RPGRIP1L: variants seen among roughly 807,000 people sequenced by gnomAD.
RPGRIP1L encodes the protein protein fantom.
Under a neutral mutation model 160.4 loss-of-function variants are expected in RPGRIP1L, and 131 were observed. The observed-to-expected ratio is 0.82, with a 90% confidence interval of 0.71 to 0.94. The LOEUF (loss-of-function observed/expected upper bound fraction) is 0.94. Ranked by LOEUF, RPGRIP1L falls within the 40% of genes least tolerant of loss-of-function variation. The probability of loss-of-function intolerance (pLI) is 0.00; values close to 1 mark genes in which losing one functional copy is unlikely to be tolerated. For synonymous variants in RPGRIP1L, 510 were observed against 515.8 expected (o/e 0.99, Z 0.15); for missense variants, 1,522 against 1,535.8 (o/e 0.99, Z 0.15).
chr16:53,660,057 T>C (rs1321856025), intron 10 of RPGRIP1L, among the ~76,000 whole-genome samples: 1 of 152,114 alleles, frequency 6.6e-6, no homozygotes, highest in Non-Finnish European at 1.5e-5. Flanking sequence ...AGCAAATTCA[T>C]AAAGAGACTA....
intron 2 of RPGRIP1L, among the ~76,000 whole-genome samples, chr16:53,697,856 C>A (rs1388199460): frequency 6.6e-6 from 1 of 151,766 alleles, no homozygotes; most frequent in South Asian, 2.1e-4. Context: ...CTCTGCCTGG[C>A]TGCCCAGTCT....
intron 26 of RPGRIP1L, 73 bp downstream of exon 26, chr16:53,605,408 A>G (rs868858668): frequency 8.9e-6 from 14 of 1,566,628 alleles, no homozygotes; most frequent in Middle Eastern, 3.3e-4. Context: ...GCCAGCAAAA[A>G]GAAGGTTTTA....
chr16:53,642,082 A>G (rs1186939476), intron 17 of RPGRIP1L, among the ~76,000 whole-genome samples: 2 of 152,144 alleles, frequency 1.3e-5, no homozygotes, highest in Non-Finnish European at 2.9e-5. Flanking sequence ...AGCAGTAACA[A>G]AAGAAACTTG....
chr16:53,657,645 A>G lies in RPGRIP1L; in HGVS notation c.1402-13T>C. 1.3e-6 allele frequency: 2 copies of G among 1,522,850 alleles called. No individual in the cohort carries two copies. Among genetic ancestry groups the G allele is most frequent in the Non-Finnish European group, 1.8e-6 (2 of 1,112,658 alleles). 94.3% of individuals were successfully genotyped at this position (1,522,850 alleles called of 1,614,324 possible). The stretch of plus-strand genomic sequence containing the variant: ...GTTCTTTTTGAGCCTAAAATAAAAA[A>G]CATGTTTTATGACTGAAACAAAAAT... On this transcript the variant is annotated splice_polypyrimidine_tract_variant and intron_variant, in intron 12 of 26. Coordinates refer to ENST00000647211, the MANE Select transcript of RPGRIP1L (RefSeq NM_015272.5).
intron 2 of RPGRIP1L, among the ~76,000 whole-genome samples, chr16:53,696,932 G>A (rs1970807137): frequency 6.6e-6 from 1 of 152,132 alleles, no homozygotes; most frequent in South Asian, 2.1e-4. Flanking sequence ...GGTGGCTCAC[G>A]CCTGTAATCT....
intron 4 of RPGRIP1L, among the ~76,000 whole-genome samples, chr16:53,689,068 A>ATATATATATGT (rs978315535): frequency 8.7e-5 from 13 of 149,470 alleles, no homozygotes; most frequent in Middle Eastern, 3.6e-3. Flanking sequence ...ATGGCTATAT[A>ATATATATATGT]TATATATATG....
intron 25 of RPGRIP1L, among the ~76,000 whole-genome samples, chr16:53,609,308 G>A (rs777118928): frequency 7.2e-5 from 11 of 151,948 alleles, no homozygotes; most frequent in Non-Finnish European, 1.6e-4. Context: ...ATGTTGCTCA[G>A]GCCAGTCTCT....
intron 9 of RPGRIP1L, among the ~76,000 whole-genome samples, chr16:53,668,304 A>C (rs1043910406): frequency 6.6e-6 from 1 of 152,206 alleles, no homozygotes; most frequent in African/African-American, 2.4e-5. Context: ...TATGGGTGTC[A>C]GTAGTGCTCT....
intron 22 of RPGRIP1L, chr16:53,628,752 A>G (rs893554584): frequency 6.6e-6 from 1 of 152,208 alleles, no homozygotes; most frequent in African/African-American, 2.4e-5. Context: ...AAAATGTACT[A>G]TATTAAACAA....
chr16:53,621,621 A>G (rs1336740119), intron 23 of RPGRIP1L, among the ~76,000 whole-genome samples: 2 of 152,182 alleles, frequency 1.3e-5, no homozygotes, highest in Non-Finnish European at 2.9e-5. Flanking sequence ...CTAAGAAAGT[A>G]AGCTCTAAAT....
chr16:53,672,285 C>G (rs1457096109), intron 8 of RPGRIP1L, among the ~76,000 whole-genome samples: 2 of 151,972 alleles, frequency 1.3e-5, no homozygotes, highest in African/African-American at 2.4e-5. Flanking sequence ...TCTTTATTTC[C>G]ATTTTCAGAA....
At chr16:53,684,144 G>T in intron 6 of RPGRIP1L, among the ~76,000 whole-genome samples, 1 of 152,156 alleles carries the variant, frequency 6.6e-6, no homozygotes, top group Non-Finnish European at 1.5e-5. Flanking sequence ...CACTGTTGGT[G>T]GGACTGGAAA....
intron 14 of RPGRIP1L, among the ~76,000 whole-genome samples, chr16:53,655,211 A>T (rs891262668): frequency 1.8e-4 from 28 of 152,370 alleles, no homozygotes; most frequent in African/African-American, 6.5e-4. Flanking sequence ...TTAAAAATTT[A>T]AAAAATTTTA....
Position 53,664,752 on chromosome 16 carries a change from T to C in RPGRIP1L, c.1243+118A>G, listed in dbSNP as rs563596473. The stretch of plus-strand genomic sequence containing the variant: ...TCATGAGAGTGGATGACTGTGTCTG[T>C]CCCTCATACATTGCGGGGATACTGG... On this transcript the variant is annotated intron_variant, in intron 10 of 26. Transcript: ENST00000647211. The C allele has an allele frequency of 9.8e-6, 11 of 1,118,148 alleles. No homozygotes were observed. In the Admixed American group the frequency reaches 1.9e-4, roughly 19 times the overall value. The allele number at this position is 1,118,148 out of a possible 1,614,324, so 69.3% of individuals were successfully genotyped here.
rs1192616333 is a variant in RPGRIP1L at position 53,672,920 on chromosome 16, G to A, written c.979C>T (p.Leu327Phe). 3.7e-6 allele frequency: 6 copies of A among 1,612,590 alleles called. No individual in the cohort carries two copies. Among genetic ancestry groups the A allele is most frequent in the African/African-American group, 1.3e-5 (1 of 74,866 alleles). Residue 327 changes from leucine to phenylalanine, a missense_variant, in exon 8 of 27, where the codon CTT (leucine) becomes TTT (phenylalanine). Physicochemically the swap from Leu to Phe is conservative, Grantham distance 22. Coordinates refer to ENST00000647211, the MANE Select transcript of RPGRIP1L (RefSeq NM_015272.5). Reference protein sequence around the residue: ...LKEQRLKCCSLEKQLHSMKFS... With the variant: ...LKEQRLKCCSFEKQLHSMKFS... ...TTCATAGAATGTAATTGTTTCTCAA[G>A]ACTGCAGCATTTTAAACGCTGCTCT...
intron 22 of RPGRIP1L, among the ~76,000 whole-genome samples, chr16:53,631,924 T>C (rs748947172): frequency 1.1e-4 from 17 of 152,202 alleles, no homozygotes; most frequent in Non-Finnish European, 2.2e-4. Flanking sequence ...ATCCAGCCAC[T>C]AAACTTTATG....
At chr16:53,671,966 A>G (rs1178540000) in intron 8 of RPGRIP1L, among the ~76,000 whole-genome samples, 3 of 152,120 alleles carry the variant, frequency 2.0e-5, no homozygotes, top group African/African-American at 7.2e-5. Context: ...ATTAGCCCAT[A>G]AAGAATTAAA....
intron 6 of RPGRIP1L, among the ~76,000 whole-genome samples, chr16:53,678,961 G>A (rs542462668): frequency 6.6e-6 from 1 of 152,304 alleles, no homozygotes; most frequent in South Asian, 2.1e-4. Flanking sequence ...TAGGGCTACA[G>A]AAGGCTGCTA....
chr16:53,657,569 TA>T lies in RPGRIP1L; in HGVS notation c.1464del (p.Asn488LysfsTer4), dbSNP rs1214012000. The stretch of plus-strand genomic sequence containing the variant: ...TCTCTCATAGAGCGTTCTAGATCTT[TA>T]TTAATTTCACTATCTACTTTCACTA... Reference protein sequence around the residue: ...SFLVKVDSEINKDLERSMREL... With the variant: ...SFLVKVDSEIXKDLERSMREL... On this transcript the variant is annotated frameshift_variant, in exon 13 of 27. Transcript: ENST00000647211. LOFTEE classifies it high-confidence loss of function. The T allele has an allele frequency of 6.2e-7, 1 of 1,603,380 alleles. No homozygotes were observed. Among genetic ancestry groups the T allele is most frequent in the Admixed American group, 1.7e-5 (1 of 59,784 alleles).
Sources: gnomAD v4.1 joint callset for allele counts (sites outside exome capture counted in the v4.1 genomes callset) on GRCh38, gnomAD v4.1.1 for gene constraint, MANE v1.5 for transcripts, NCBI Gene and HGNC (gene_info 2026-07-23, HGNC 2026-07-21) for gene names.